RBM26: variants seen among roughly 807,000 people sequenced by gnomAD.
RBM26 encodes RNA binding motif protein 26.
A neutral mutation model predicts 123.6 loss-of-function variants in RBM26; 30 were observed. The observed-to-expected ratio is 0.24, with a 90% CI of 0.18 to 0.33. RBM26 has a LOEUF of 0.33. Ranked by LOEUF, RBM26 falls within the 10% of genes least tolerant of loss-of-function variation. RBM26 has a pLI of 1.00. For synonymous variants in RBM26, 400 were observed against 404.4 expected, an observed-to-expected ratio of 0.99 and a Z score of 0.13; for missense variants, 947 against 1,203.6, an observed-to-expected ratio of 0.79 and a Z score of 3.15.
chr13:79,321,426 A>C (rs1315228790), intron 21 of RBM26, among the ~76,000 whole-genome samples: 4 of 151,556 alleles, frequency 2.6e-5, no homozygotes, highest in Non-Finnish European at 4.4e-5. Context: ...TGCCATTATG[A>C]AGGTAAAACA....
chr13:79,348,390 T>C (rs1458400376), intron 14 of RBM26, among the ~76,000 whole-genome samples: 1 of 151,930 alleles, frequency 6.6e-6, no homozygotes, highest in Non-Finnish European at 1.5e-5. Context: ...TGTAAAATAA[T>C]ACCAGCCACA....
chr13:79,352,446 A>C (rs2073376562), intron 14 of RBM26, among the ~76,000 whole-genome samples: 1 of 145,614 alleles, frequency 6.9e-6, no homozygotes, highest in East Asian at 2.0e-4. Flanking sequence ...TCAAAGACAA[A>C]GTATTTACTC....
intron 20 of RBM26, among the ~76,000 whole-genome samples, chr13:79,329,803 A>G (rs1271306492): frequency 2.0e-5 from 3 of 152,152 alleles, no homozygotes; most frequent in African/African-American, 7.2e-5. Context: ...CCCTGACTGG[A>G]TATTTGATAT....
chr13:79,317,495 G>C (rs2067262479), downstream of RBM26, among the ~76,000 whole-genome samples: 1 of 151,434 alleles, frequency 6.6e-6, no homozygotes, highest in South Asian at 2.1e-4. Context: ...TGCAGAATTG[G>C]GACCAAAAAC....
chr13:79,374,223 C>T (rs2076435941), intron 3 of RBM26, among the ~76,000 whole-genome samples: 1 of 152,106 alleles, frequency 6.6e-6, no homozygotes, highest in African/African-American at 2.4e-5. Flanking sequence ...AATCCCAGCA[C>T]TTTTAAAGGC....
Position 79,337,222 on chromosome 13 carries a change from GCCTCGGCCATGAACTGCA to G in RBM26, c.2595_2612del (p.Ala866_Gly871del). On this transcript the variant is annotated inframe_deletion, in exon 19 of 22. Transcript: ENST00000438737. ...CACCTCGCCCTCGCCCTCGCCCCCTGCCTCGGCCATGAACTGCACCTCGACCTCTTGAATGAATTCCTC... is the reference window on the plus strand; with the variant it reads ...CACCTCGCCCTCGCCCTCGCCCCCTGCCTCGACCTCTTGAATGAATTCCTC... 1 of 1,614,010 alleles carries G rather than the reference GCCTCGGCCATGAACTGCA, an allele frequency of 6.2e-7. No individual in the cohort carries two copies. The highest frequency in any genetic ancestry group is 1.1e-5 in the South Asian group (1 of 91,080).
chr13:79,365,565 T>C lies in RBM26; in HGVS notation c.1417+13A>G. Reference sequence around the variant, plus strand: ...TTATGAAAATGACAGGAAGGAAAGATTAATTATAGTACCTCTGGGTGGCAA... The same window carrying C: ...TTATGAAAATGACAGGAAGGAAAGACTAATTATAGTACCTCTGGGTGGCAA... On this transcript the variant is annotated intron_variant, in intron 9 of 21. Transcript: ENST00000438737. 6.2e-7 allele frequency: 1 copy of C among 1,603,452 alleles called. No individual in the cohort carries two copies. Among genetic ancestry groups the C allele is most frequent in the Non-Finnish European group, 8.5e-7 (1 of 1,173,220 alleles).
intron 10 of RBM26, 130 bp downstream of exon 10, chr13:79,359,445 A>C (rs1301206238): frequency 2.1e-6 from 1 of 481,598 alleles, no homozygotes; most frequent in African/African-American, 2.1e-5. Context: ...TAGAAAACTC[A>C]CACTTGGGGA....
intron 20 of RBM26, 128 bp from the exon 21 acceptor site, chr13:79,322,590 C>T: frequency 1.9e-6 from 1 of 532,194 alleles, no homozygotes; most frequent in East Asian, 3.5e-5. Context: ...TGCCCATTTG[C>T]TTTTTGATTA....
chr13:79,358,505 T>C (rs945854523), intron 10 of RBM26, 72 bp from the exon 11 acceptor site: 1 of 1,197,466 alleles, frequency 8.4e-7, no homozygotes, highest in African/African-American at 1.6e-5. Context: ...GGAATAAAGT[T>C]TAACAAAATA....
At chr13:79,375,063 T>TTATATATTTATATGATATATATAAA (rs2076521584) in intron 3 of RBM26, among the ~76,000 whole-genome samples, 2 of 57,634 alleles carry the variant, frequency 3.5e-5, no homozygotes, top group African/African-American at 8.9e-5. Context: ...ATTTATATTT[T>TTATATATTTATATGATATATATAAA]TATATATTTA....
intron 9 of RBM26, among the ~76,000 whole-genome samples, chr13:79,362,382 A>G (rs781359559): frequency 1.3e-5 from 2 of 152,140 alleles, no homozygotes; most frequent in South Asian, 2.1e-4. Flanking sequence ...CCCAGCTACT[A>G]TCACCTCTAT....
intron 9 of RBM26, among the ~76,000 whole-genome samples, chr13:79,359,994 T>C (rs1228144368): frequency 6.6e-6 from 1 of 152,038 alleles, no homozygotes; most frequent in Admixed American, 6.6e-5. Context: ...TCTCACACCA[T>C]CCTGCTCCAA....
rs766094492 is a variant in RBM26, at chr13:79,337,290, C to T, written c.2545G>A (p.Gly849Arg). The change falls in exon 19 of 22, where the codon GGG (glycine) becomes AGG (arginine). Residue 849 changes from glycine (G) to arginine (R), a missense_variant. Around this residue, in one of 5 missense-constraint regions of RBM26, gnomAD observed 164 missense variants for 215.3 expected, o/e 0.76. Coordinates refer to ENST00000438737, the MANE Select transcript of RBM26 (RefSeq NM_001366735.2). The stretch of plus-strand genomic sequence containing the variant: ...CTGCCCCGACCAGATGAAAGAATCC[C>T]TCGTTTGGCAGCCTAGAAGAGATTA... ...TELQLEAAKR[G>R]ILSSGRGRGI... The T allele has an allele frequency of 6.2e-7, 1 of 1,614,110 alleles. No homozygotes were observed. The highest frequency in any genetic ancestry group is 8.5e-7 in the Non-Finnish European group (1 of 1,180,002).
chr13:79,346,715 C>T (rs1341979320), intron 14 of RBM26, among the ~76,000 whole-genome samples: 1 of 152,154 alleles, frequency 6.6e-6, no homozygotes, highest in Non-Finnish European at 1.5e-5. Context: ...ACTTCAGTGA[C>T]CTTTCTTTGT....
chr13:79,348,740 T>C (rs969233071), intron 14 of RBM26, among the ~76,000 whole-genome samples: 5 of 152,190 alleles, frequency 3.3e-5, no homozygotes, highest in African/African-American at 7.2e-5. Flanking sequence ...GTTTATGATA[T>C]TCACTTAAAG....
rs1030010827 is a variant in RBM26 at position 79,320,342 on chromosome 13, C to A, written c.*279G>T. 1.9e-6 allele frequency: 2 copies of A among 1,040,518 alleles called. No homozygotes were observed. The highest frequency in any genetic ancestry group is 1.7e-5 in the African/African-American group (1 of 59,192). 64.5% of individuals were successfully genotyped at this position (1,040,518 alleles called of 1,614,324 possible). On this transcript the variant is annotated 3_prime_UTR_variant, in exon 22 of 22. Coordinates refer to ENST00000438737, the MANE Select transcript of RBM26 (RefSeq NM_001366735.2). ...ACCTATTCATTAAATTACAAAGAACCCAAAGAATTCTGTGATGTCCAGTAG... is the reference window on the plus strand; with the variant it reads ...ACCTATTCATTAAATTACAAAGAACACAAAGAATTCTGTGATGTCCAGTAG...
At chr13:79,314,376 T>G (rs1410333), downstream of RBM26, 1 of 151,706 alleles carries the variant, frequency 6.6e-6, no homozygotes. Context: ...TCTTTGTTGG[T>G]TTTGAAGGGC....
Position 79,366,630 on chromosome 13 carries a change from T to G in RBM26, c.1135+3A>C. ...ATACAGGGAAACAAACAGATTTACT[T>G]ACCTGTAACAGGTGGGAGACTGGGT... On this transcript the variant is annotated splice_donor_region_variant and intron_variant, in intron 7 of 21. Transcript: ENST00000438737. 6.5e-7 allele frequency: 1 copy of G among 1,528,736 alleles called. No individual in the cohort carries two copies. The highest frequency in any genetic ancestry group is 1.3e-5 in the South Asian group (1 of 77,324). The allele number at this position is 1,528,736 out of a possible 1,614,324, so 94.7% of individuals were successfully genotyped here. A position where few individuals can be genotyped will look rare whatever the true frequency, so the allele number is the denominator to read the frequency against.
Sources: gnomAD v4.1 joint callset for allele counts (sites outside exome capture counted in the v4.1 genomes callset) on GRCh38, gnomAD v4.1.1 for gene constraint, gnomAD v4.1.1 regional missense constraint, MANE v1.5 for transcripts, NCBI Gene and HGNC (gene_info 2026-07-23, HGNC 2026-07-21) for gene names.